The following FXN variants were observed in gnomAD, a reference collection of about 807,000 sequenced individuals.
FXN encodes the protein frataxin, mitochondrial.
Under a neutral mutation model 22.4 loss-of-function variants are expected in FXN, and 14 were observed. The ratio of observed to expected loss-of-function variants is 0.62; its 90% CI spans 0.41 to 0.98. FXN has a LOEUF of 0.98. FXN is among the 50% of genes least tolerant of loss of function. The probability of loss-of-function intolerance (pLI) is 0.00; values close to 1 mark genes in which losing one functional copy is unlikely to be tolerated. For missense variants in FXN, 267 were observed against 268.4 expected (o/e 0.99, Z 0.04); for synonymous variants, 120 against 114.1 (o/e 1.05, Z -0.33).
chr9:69,069,934 A>C (rs1278217646), intron 4 of FXN, among the ~76,000 whole-genome samples: 3 of 152,206 alleles, frequency 2.0e-5, no homozygotes, highest in Non-Finnish European at 4.4e-5. Flanking sequence ...TTGCTGTAAG[A>C]AAATGGCCCA....
At chr9:69,045,658 G>A (rs1438368724) in intron 1 of FXN, among the ~76,000 whole-genome samples, 1 of 152,150 alleles carries the variant, frequency 6.6e-6, no homozygotes, top group Non-Finnish European at 1.5e-5. Context: ...ATGCAGGTTA[G>A]TTGTTCACCG....
At chr9:69,047,811 G>A (rs907691883) in intron 2 of FXN, among the ~76,000 whole-genome samples, 1 of 151,994 alleles carries the variant, frequency 6.6e-6, no homozygotes, top group Non-Finnish European at 1.5e-5. Context: ...TCCGCCTCCC[G>A]GGTTCAAGCA....
In FXN at chr9:69,053,192, T is replaced by G. The variant is rs1285151894; in HGVS notation, c.316T>G (p.Leu106Val). The G allele has an allele frequency of 6.2e-7, 1 of 1,613,870 alleles. No individual in the cohort carries two copies. The highest frequency in any genetic ancestry group is 1.3e-5 in the African/African-American group (1 of 74,898). The change falls in exon 3 of 5, where the codon TTA becomes GTA. Residue 106 changes from leucine (L) to valine (V), a missense_variant. Physicochemically the swap from Leu to Val is conservative, Grantham distance 32 (BLOSUM62 1). Transcript: ENST00000484259. Reference protein sequence around the residue: ...ERLAEETLDSLAEFFEDLADK... With the variant: ...ERLAEETLDSVAEFFEDLADK... ...ACTAGCAGAGGAAACGCTGGACTCT[T>G]TAGCAGAGTTTTTTGAAGACCTTGC...
At chr9:69,067,550 A>C (rs1832192548) in intron 4 of FXN, among the ~76,000 whole-genome samples, 1 of 152,222 alleles carries the variant, frequency 6.6e-6, no homozygotes, top group South Asian at 2.1e-4. Flanking sequence ...TGGCTAAAGA[A>C]GTCCCCATAC....
chr9:69,075,434 T>G lies in FXN; in HGVS notation c.*2672T>G. On this transcript the variant is annotated 3_prime_UTR_variant, in exon 5 of 5. Transcript: ENST00000484259. ...GAGATCATGCCACTTCACTCCAGCC[T>G]GGCCAACAGAGCCATACTCCGTCTC... 1 of 936,774 alleles carries G rather than the reference T, an allele frequency of 1.1e-6. No homozygotes were observed. Among genetic ancestry groups the G allele is most frequent in the Non-Finnish European group, 1.3e-6 (1 of 786,780 alleles). The allele number at this position is 936,774 out of a possible 1,614,324, so 58.0% of individuals were successfully genotyped here.
chr9:69,043,117 G>A (rs571672975), intron 1 of FXN, among the ~76,000 whole-genome samples: 10 of 152,056 alleles, frequency 6.6e-5, no homozygotes, highest in African/African-American at 4.8e-5. Flanking sequence ...TGTGCAGAGC[G>A]GCAAAAAAAT....
intron 2 of FXN, among the ~76,000 whole-genome samples, chr9:69,050,912 C>G (rs1831838197): frequency 6.6e-6 from 1 of 152,098 alleles, no homozygotes; most frequent in African/African-American, 2.4e-5. Flanking sequence ...TCCCGAGTAG[C>G]TGGGATTACA....
At position 69,078,906 on chromosome 9, in the gene FXN, C is replaced by T. The variant is rs903796281; in HGVS notation, c.*6144C>T. ...ACTGACCTACCATGTGTCACCCCTG[C>T]TTGGCTGTACCTTCCATGAGGCTAG... On this transcript the variant is annotated 3_prime_UTR_variant, in exon 5 of 5. Coordinates refer to ENST00000484259, the MANE Select transcript of FXN (RefSeq NM_000144.5). 4.8e-5 allele frequency: 47 copies of T among 984,444 alleles called. No individual in the cohort carries two copies. Among genetic ancestry groups the T allele is most frequent in the Non-Finnish European group, 5.3e-5 (44 of 829,152 alleles). The allele number at this position is 984,444 out of a possible 1,614,324, so 61.0% of individuals were successfully genotyped here.
chr9:69,041,607 A>G (rs1831657671), intron 1 of FXN, among the ~76,000 whole-genome samples: 1 of 152,178 alleles, frequency 6.6e-6, no homozygotes, highest in Non-Finnish European at 1.5e-5. Context: ...CCTGCGAGGT[A>G]TGGGTCCTGA....
chr9:69,058,598 G>C (rs1832006244), intron 3 of FXN, among the ~76,000 whole-genome samples: 1 of 135,728 alleles, frequency 7.4e-6, no homozygotes, highest in Admixed American at 7.9e-5. Context: ...ATACTCACCT[G>C]TTAAAAAAAA....
At chr9:69,053,373 T>C (rs1587821964) in intron 3 of FXN, 113 bp downstream of exon 3, 2 of 1,336,528 alleles carry the variant, frequency 1.5e-6, no homozygotes, top group South Asian at 2.4e-5. Context: ...TAGTTGTAGG[T>C]AGGATTAAAA....
chr9:69,035,780 A>C lies in FXN; in HGVS notation c.-3A>C. 6.6e-7 allele frequency: 1 copy of C among 1,504,128 alleles called. No individual in the cohort carries two copies. Among genetic ancestry groups the C allele is most frequent in the Non-Finnish European group, 8.8e-7 (1 of 1,132,444 alleles). The allele number at this position is 1,504,128 out of a possible 1,614,324, so 93.2% of individuals were successfully genotyped here. A position where few individuals can be genotyped will look rare whatever the true frequency, so the allele number is the denominator to read the frequency against. The stretch of plus-strand genomic sequence containing the variant: ...GCGGAGCGGGCGGCAGACCCGGAGC[A>C]GCATGTGGACTCTCGGGCGCCGCGC... On this transcript the variant is annotated 5_prime_UTR_variant, in exon 1 of 5. Coordinates refer to ENST00000484259, the MANE Select transcript of FXN (RefSeq NM_000144.5).
chr9:69,042,780 T>G (rs1831681087), intron 1 of FXN, among the ~76,000 whole-genome samples: 2 of 152,270 alleles, frequency 1.3e-5, no homozygotes, highest in South Asian at 4.1e-4. Context: ...CCTGGAGAGA[T>G]GGAAACTTCC....
In FXN at chr9:69,075,936, C is replaced by T; in HGVS notation, c.*3174C>T. The T allele has an allele frequency of 1.3e-6, 1 of 793,148 alleles. No homozygotes were observed. The highest frequency in any genetic ancestry group is 1.5e-6 in the Non-Finnish European group (1 of 655,378). The allele number at this position is 793,148 out of a possible 1,614,324, so 49.1% of individuals were successfully genotyped here. A position where few individuals can be genotyped will look rare whatever the true frequency, so the allele number is the denominator to read the frequency against. On this transcript the variant is annotated 3_prime_UTR_variant, in exon 5 of 5. Transcript: ENST00000484259. Reference sequence around the variant, plus strand: ...CCCAGGCTGGTCTCTAACACTTAGGCTCAAGTGATCCACCTGCCTCGTCCT... The same window carrying T: ...CCCAGGCTGGTCTCTAACACTTAGGTTCAAGTGATCCACCTGCCTCGTCCT...
chr9:69,068,977 A>G (rs1832222760), intron 4 of FXN, among the ~76,000 whole-genome samples: 1 of 152,246 alleles, frequency 6.6e-6, no homozygotes, highest in African/African-American at 2.4e-5. Flanking sequence ...CTTCAGGGGC[A>G]AACTGCAGAC....
intron 2 of FXN, among the ~76,000 whole-genome samples, chr9:69,049,597 G>A (rs1183471316): frequency 1.3e-5 from 2 of 152,082 alleles, no homozygotes; most frequent in Non-Finnish European, 2.9e-5. Context: ...TATCCTCACA[G>A]GGGCACAAAA....
intron 2 of FXN, among the ~76,000 whole-genome samples, chr9:69,051,855 G>C (rs905881145): frequency 1.3e-5 from 2 of 152,068 alleles, no homozygotes; most frequent in Non-Finnish European, 2.9e-5. Context: ...TGTTTTTTGG[G>C]GTTTTCTTTG....
Position 69,059,055 on chromosome 9 carries a change from G to C in FXN, c.384+5795G>C, listed in dbSNP as rs11144969. ...TGCACTCCAGCCTGGGCGACAGAGCGAGACTTCATCTTAAAAAAAAAGAAA... is the reference window on the plus strand; with the variant it reads ...TGCACTCCAGCCTGGGCGACAGAGCCAGACTTCATCTTAAAAAAAAAGAAA... On this transcript the variant is annotated intron_variant, in intron 3 of 4. Transcript: ENST00000484259. Among the ~76,000 whole-genome samples the C allele has an allele frequency of 7.7e-3, 1,175 of 152,016 alleles. 11 individuals are homozygous for C. The highest frequency in any genetic ancestry group is 0.027 in the African/African-American group (1,101 of 41,448).
chr9:69,069,511 ACACT>A (rs34845391), intron 4 of FXN, among the ~76,000 whole-genome samples: 11,348 of 152,182 alleles, frequency 0.075, 520 homozygotes, highest in Middle Eastern at 0.14. Flanking sequence ...TCACTTTCTG[ACACT>A]CACCCCGCTG....
Sources: gnomAD v4.1 joint callset for allele counts (sites outside exome capture counted in the v4.1 genomes callset) on GRCh38, gnomAD v4.1.1 for gene constraint, MANE v1.5 for transcripts, NCBI Gene and HGNC (gene_info 2026-07-23, HGNC 2026-07-21) for gene names.